The following USP6 variants were observed in gnomAD, a reference collection of about 807,000 sequenced individuals.
USP6 encodes ubiquitin specific peptidase 6.
In USP6, 128 loss-of-function variants were observed where a neutral mutation model predicts 175.7. The ratio of observed to expected loss-of-function variants is 0.73; its 90% CI spans 0.63 to 0.84. The LOEUF is 0.84. USP6 is among the 40% of genes least tolerant of loss of function. USP6 has a pLI of 0.00. For synonymous variants in USP6, 562 were observed against 630.6 expected, an observed-to-expected ratio of 0.89 and a Z score of 1.63; for missense variants, 1,498 against 1,760.3, an observed-to-expected ratio of 0.85 and a Z score of 2.67.
chr17:5,138,281 C>T lies in USP6; in HGVS notation c.1078+8C>T, dbSNP rs1227411663. 1.1e-4 allele frequency: 177 copies of T among 1,613,150 alleles called. No homozygotes were observed. The highest frequency in any genetic ancestry group is 1.5e-4 in the Non-Finnish European group (175 of 1,179,882). The stretch of plus-strand genomic sequence containing the variant: ...GGGACCTGCCACCCCCAGGTGGGCT[C>T]CAGTGCCATGTCCCCTCCCATGTCA... On this transcript the variant is annotated splice_region_variant and intron_variant, in intron 21 of 37. Coordinates refer to ENST00000574788, the MANE Select transcript of USP6 (RefSeq NM_001304284.2).
Position 5,167,992 on chromosome 17 carries a change from C to G in USP6, c.3097C>G (p.Leu1033Val). The stretch of plus-strand genomic sequence containing the variant: ...GCGAGCGCAAGCCGAGCCCATCAAC[C>G]TGGACAGCTGTCTCCGTGCTTTCAC... ...SRRAQAEPIN[L>V]DSCLRAFTSE... Residue 1033 changes from leucine to valine, a missense_variant, in exon 34 of 38, where the codon CTG becomes GTG. Around this residue, in one of 2 missense-constraint regions of USP6, gnomAD observed 1,217 missense variants for 1,500.8 expected, o/e 0.81. Coordinates refer to ENST00000574788, the MANE Select transcript of USP6 (RefSeq NM_001304284.2). The G allele has an allele frequency of 6.2e-7, 1 of 1,611,964 alleles. No individual in the cohort carries two copies. Among genetic ancestry groups the G allele is most frequent in the Non-Finnish European group, 8.5e-7 (1 of 1,179,840 alleles).
chr17:5,136,976 G>A, intron 18 of USP6, 145 bp from the exon 19 acceptor site: 3 of 1,145,828 alleles, frequency 2.6e-6, no homozygotes, highest in Non-Finnish European at 3.9e-6. Flanking sequence ...GTGTCCACCG[G>A]GAGTGTGGGA....
chr17:5,125,488 T>G (rs1370245788), intron 5 of USP6, among the ~76,000 whole-genome samples: 1 of 152,018 alleles, frequency 6.6e-6, no homozygotes, highest in Non-Finnish European at 1.5e-5. Context: ...CAGCTTAAAG[T>G]TTACATGCTA....
intron 3 of USP6, 103 bp from the exon 4 acceptor site, chr17:5,121,272 C>G: frequency 2.8e-6 from 1 of 361,934 alleles, no homozygotes; most frequent in Non-Finnish European, 5.4e-6. Context: ...CCTTTGGGGC[C>G]CCATAGAGGC....
chr17:5,143,289 A>G (rs1304847773), intron 25 of USP6, among the ~76,000 whole-genome samples: 1 of 152,226 alleles, frequency 6.6e-6, no homozygotes, highest in Admixed American at 6.5e-5. Context: ...CCATGACGAC[A>G]ATGGCGGTTT....
chr17:5,146,415 A>C (rs1487955946), intron 28 of USP6, among the ~76,000 whole-genome samples: 1 of 152,134 alleles, frequency 6.6e-6, no homozygotes, highest in East Asian at 1.9e-4. Context: ...AAGGCTGCCT[A>C]TATGGAGTGT....
chr17:5,131,620 A>G (rs1044279227), intron 11 of USP6, among the ~76,000 whole-genome samples: 10 of 150,810 alleles, frequency 6.6e-5, no homozygotes, highest in Admixed American at 5.9e-4. Context: ...CCCTAGGGGA[A>G]TGGGGGAGAA....
intron 4 of USP6, among the ~76,000 whole-genome samples, chr17:5,122,413 G>A (rs2143732781): frequency 6.6e-6 from 1 of 152,298 alleles, no homozygotes; most frequent in South Asian, 2.1e-4. Flanking sequence ...CCTTCAGCTG[G>A]CAGTATCCTG....
rs771016607 is a variant in USP6 at position 5,170,681 on chromosome 17, T to G, written c.3720T>G (p.Ala1240=). The change falls in exon 36 of 38, where the codon GCT becomes GCG. Residue 1240 remains alanine, a synonymous_variant. Coordinates refer to ENST00000574788, the MANE Select transcript of USP6 (RefSeq NM_001304284.2). ...ENGAGQICEL[A]DALSRGHMRG... ...GGGCTGGGCAGATCTGTGAGCTGGC[T>G]GACGCCTTGAGCCGAGGGCATATGC... is the stretch of plus-strand genomic sequence containing the variant. The G allele has an allele frequency of 4.3e-6, 7 of 1,613,966 alleles. No individual in the cohort carries two copies. Among genetic ancestry groups the G allele is most frequent in the Non-Finnish European group, 5.9e-6 (7 of 1,179,874 alleles).
Position 5,130,627 on chromosome 17 carries a change from A to T in USP6, c.98A>T (p.Asp33Val). 6.2e-7 allele frequency: 1 copy of T among 1,613,886 alleles called. No homozygotes were observed. Among genetic ancestry groups the T allele is most frequent in the Non-Finnish European group, 8.5e-7 (1 of 1,179,824 alleles). Residue 33 changes from aspartate (D) to valine (V), a missense_variant, in exon 11 of 38, where the codon GAC becomes GTC. This residue lies in a region of USP6 where 281 missense variants were observed against 259.6 expected (regional missense o/e 1.08). Coordinates refer to ENST00000574788, the MANE Select transcript of USP6 (RefSeq NM_001304284.2). The part of the protein sequence containing the change: ...DKGHRAGLPE[D>V]KGPEPVGINS... Reference sequence around the variant, plus strand: ...GGACACCGAGCTGGGCTGCCAGAGGACAAGGGGCCTGAGCCCGTTGGAATC... The same window carrying T: ...GGACACCGAGCTGGGCTGCCAGAGGTCAAGGGGCCTGAGCCCGTTGGAATC...
intron 31 of USP6, 110 bp from the exon 32 acceptor site, chr17:5,161,418 A>G: frequency 9.3e-7 from 1 of 1,080,856 alleles, no homozygotes; most frequent in Non-Finnish European, 1.4e-6. Context: ...ACATGAGCAT[A>G]CTGCTGTGGC....
rs371846913 is a variant in USP6 at position 5,168,660 on chromosome 17, C to T, written c.3229-107C>T. ...TAAAAAATAATGAAGAGTAAATGTT[C>T]TGTTATATATTTCCAAACATTCACA... is the stretch of plus-strand genomic sequence containing the variant. On this transcript the variant is annotated intron_variant, in intron 34 of 37. Coordinates refer to ENST00000574788, the MANE Select transcript of USP6 (RefSeq NM_001304284.2). 23 of 1,399,142 alleles carry T rather than the reference C, an allele frequency of 1.6e-5. No homozygotes were observed. In the East Asian group the frequency reaches 3.5e-4, roughly 21 times the overall value. The allele number at this position is 1,399,142 out of a possible 1,614,324, so 86.7% of individuals were successfully genotyped here.
intron 18 of USP6, 65 bp downstream of exon 18, chr17:5,136,799 G>A: frequency 6.3e-7 from 1 of 1,588,028 alleles, no homozygotes; most frequent in South Asian, 1.1e-5. Context: ...TAGGAGCAGG[G>A]GGACTGGAGT....
chr17:5,140,694 C>T (rs1313169290), intron 22 of USP6, among the ~76,000 whole-genome samples: 1 of 152,210 alleles, frequency 6.6e-6, no homozygotes, highest in Non-Finnish European at 1.5e-5. Context: ...TCATACCTGT[C>T]CTAAGATCCC....
rs71151843 is a variant in USP6 at position 5,158,614 on chromosome 17, G to GGAGAGAGAGAGAGAGA, written c.2829-2871_2829-2856dup. Among the ~76,000 whole-genome samples the GGAGAGAGAGAGAGAGA allele has an allele frequency of 2.7e-4, 7 of 26,356 alleles. 1 individual carries two copies. Among genetic ancestry groups the GGAGAGAGAGAGAGAGA allele is most frequent in the Admixed American group, 1.1e-3 (2 of 1,876 alleles). The allele number at this position is 26,356 out of a possible 152,430, so 17.3% of individuals were successfully genotyped here. On this transcript the variant is annotated intron_variant, in intron 31 of 37. Coordinates refer to ENST00000574788, the MANE Select transcript of USP6 (RefSeq NM_001304284.2). ...GAGAGAGAGAGAGAGAGGGAGAGGG[G>GGAGAGAGAGAGAGAGA]GAGAGAGAGAGAGAGAGAGAGAGAG...
At position 5,125,812 on chromosome 17, in the gene USP6, G is replaced by C. The variant is rs1201470984; in HGVS notation, c.-591-9G>C. 1 of 151,844 alleles carries C rather than the reference G, an allele frequency of 6.6e-6. No individual in the cohort carries two copies. Among genetic ancestry groups the C allele is most frequent in the Non-Finnish European group, 1.5e-5 (1 of 68,090 alleles). 9.4% of individuals were successfully genotyped at this position (151,844 alleles called of 1,614,324 possible). A position where few individuals can be genotyped will look rare whatever the true frequency, so the allele number is the denominator to read the frequency against. On this transcript the variant is annotated splice_polypyrimidine_tract_variant and intron_variant, in intron 5 of 37. Transcript: ENST00000574788. Reference sequence around the variant, plus strand: ...TTTTTTGAGATGGAATTTCACTCTTGTTGCCTAGGCTGGAGTGCAATGGCG... The same window carrying C: ...TTTTTTGAGATGGAATTTCACTCTTCTTGCCTAGGCTGGAGTGCAATGGCG...
At chr17:5,122,650 C>A (rs1410851998) in intron 4 of USP6, among the ~76,000 whole-genome samples, 1 of 152,228 alleles carries the variant, frequency 6.6e-6, no homozygotes, top group Admixed American at 6.5e-5. Flanking sequence ...ACGCGTGTCT[C>A]CCCTGGACAC....
rs773640788 is a variant in USP6 at position 5,138,127 on chromosome 17, T to C, written c.932T>C (p.Leu311Pro). The part of the protein sequence containing the change: ...SIALKVQQKR[L>P]MKTSRCGLWA... ...ATATCCACCCTGTCCCTAGAGCGCC[T>C]CATGAAGACATCCAGGTGTGGCCTG... The change falls in exon 21 of 38, where the codon CTC becomes CCC. Residue 311 changes from leucine (L) to proline (P), a missense_variant. This residue lies in a region of USP6 where 1,217 missense variants were observed against 1,500.8 expected (regional missense o/e 0.81). Coordinates refer to ENST00000574788, the MANE Select transcript of USP6 (RefSeq NM_001304284.2). The C allele has an allele frequency of 6.2e-7, 1 of 1,614,022 alleles. No individual in the cohort carries two copies. The highest frequency in any genetic ancestry group is 8.5e-7 in the Non-Finnish European group (1 of 1,179,962).
Position 5,168,007 on chromosome 17 carries a change from C to T in USP6, c.3112C>T (p.Arg1038Cys), listed in dbSNP as rs765594911. Reference protein sequence around the residue: ...AEPINLDSCLRAFTSEEELGE... With the variant: ...AEPINLDSCLCAFTSEEELGE... ...GCCCATCAACCTGGACAGCTGTCTC[C>T]GTGCTTTCACCAGTGAGGAAGAGCT... The change falls in exon 34 of 38, where the codon CGT (arginine) becomes TGT (cysteine). Residue 1038 changes from arginine (R) to cysteine (C), a missense_variant. By Grantham distance (180) the Arg-to-Cys change is radical. Around this residue, in one of 2 missense-constraint regions of USP6, gnomAD observed 1,217 missense variants for 1,500.8 expected, o/e 0.81. Transcript: ENST00000574788. 16 of 1,611,838 alleles carry T rather than the reference C, an allele frequency of 9.9e-6. No individual in the cohort carries two copies. Among genetic ancestry groups the T allele is most frequent in the South Asian group, 5.5e-5 (5 of 90,996 alleles).
Sources: gnomAD v4.1 joint callset for allele counts (sites outside exome capture counted in the v4.1 genomes callset) on GRCh38, gnomAD v4.1.1 for gene constraint, gnomAD v4.1.1 regional missense constraint, MANE v1.5 for transcripts, NCBI Gene and HGNC (gene_info 2026-07-23, HGNC 2026-07-21) for gene names.